The following GPC6 variants were observed in gnomAD, a reference collection of about 807,000 sequenced individuals.
GPC6 encodes the protein glypican 6.
Under a neutral mutation model 55.2 loss-of-function variants are expected in GPC6, and 14 were observed. The observed-to-expected ratio is 0.25, with a 90% CI of 0.17 to 0.40. The LOEUF is 0.40. Among genes scored for constraint, GPC6 ranks in the 10% least tolerant of loss-of-function variants. The pLI is 1.00. For missense variants in GPC6, 641 were observed against 708.5 expected (o/e 0.90, Z 1.08); for synonymous variants, 278 against 259.6 (o/e 1.07, Z -0.68).
intron 1 of GPC6, among the ~76,000 whole-genome samples, chr13:93,346,226 A>G (rs1363530793): frequency 6.6e-6 from 1 of 152,184 alleles, no homozygotes; most frequent in African/African-American, 2.4e-5. Flanking sequence ...GACATCTATG[A>G]TGTCCATTTA....
At chr13:93,483,752 A>T (rs1487707668) in intron 1 of GPC6, among the ~76,000 whole-genome samples, 1 of 152,164 alleles carries the variant, frequency 6.6e-6, no homozygotes, top group Non-Finnish European at 1.5e-5. Flanking sequence ...CTCATGGTAG[A>T]AACAGTGTTT....
At position 94,195,129 on chromosome 13, in the gene GPC6, G is replaced by C. The variant is rs561255029; in HGVS notation, c.878-91220G>C. The stretch of plus-strand genomic sequence containing the variant: ...TTTAAGTCTCTTTTGAACAGAGAGT[G>C]GTAAGTACTGGTGTCCCCATGTCCA... On this transcript the variant is annotated intron_variant, in intron 4 of 8. Coordinates refer to ENST00000377047, the MANE Select transcript of GPC6 (RefSeq NM_005708.5). Among the ~76,000 whole-genome samples the C allele has an allele frequency of 1.7e-4, 26 of 152,284 alleles. No homozygotes were observed. The South Asian group carries it at 4.8e-3, about 28-fold the overall frequency.
At chr13:93,892,558 G>T (rs769739649) in intron 3 of GPC6, among the ~76,000 whole-genome samples, 1 of 152,006 alleles carries the variant, frequency 6.6e-6, no homozygotes, top group Non-Finnish European at 1.5e-5. Context: ...TTATTAATTA[G>T]CAGTAAAACA....
intron 3 of GPC6, among the ~76,000 whole-genome samples, chr13:94,010,529 G>A (rs553777212): frequency 5.9e-5 from 9 of 152,222 alleles, no homozygotes; most frequent in African/African-American, 1.7e-4. Context: ...AGGACTCTAC[G>A]TATGTGGGTG....
intron 4 of GPC6, among the ~76,000 whole-genome samples, chr13:94,210,268 C>T (rs920183076): frequency 3.3e-4 from 50 of 151,668 alleles, no homozygotes; most frequent in African/African-American, 1.0e-3. Context: ...GCGATTCTCC[C>T]GCCTCAGCCT....
Position 93,643,142 on chromosome 13 carries a change from A to G in GPC6, c.319+97721A>G, listed in dbSNP as rs999461205. ...TTTGGCTTGTGTAAGTTATTGTGCA[A>G]TGAGTTCCTCATATTTAGTATTCAT... On this transcript the variant is annotated intron_variant, in intron 2 of 8. Coordinates refer to ENST00000377047, the MANE Select transcript of GPC6 (RefSeq NM_005708.5). 5.3e-5 allele frequency among the ~76,000 whole-genome samples: 8 copies of G among 152,134 alleles called. No individual in the cohort carries two copies. The East Asian group carries it at 7.7e-4, about 15-fold the overall frequency.
chr13:94,048,282 G>A (rs577715957), intron 4 of GPC6, among the ~76,000 whole-genome samples: 57 of 152,098 alleles, frequency 3.7e-4, no homozygotes, highest in South Asian at 1.9e-3. Flanking sequence ...TATTTTTGCC[G>A]TCTTGGGAAC....
intron 2 of GPC6, among the ~76,000 whole-genome samples, chr13:93,642,026 A>C (rs997103332): frequency 9.2e-5 from 14 of 152,012 alleles, no homozygotes; most frequent in Non-Finnish European, 1.8e-4. Flanking sequence ...TTTTGGAATC[A>C]AGGGCACCTG....
At chr13:94,025,359 T>G (rs766036064) in intron 3 of GPC6, 3 of 152,130 alleles carry the variant, frequency 2.0e-5, no homozygotes, top group Non-Finnish European at 2.9e-5. Context: ...TGTGTAAGAA[T>G]TTTAAATTTC....
intron 2 of GPC6, among the ~76,000 whole-genome samples, chr13:93,681,692 A>G (rs1289013927): frequency 1.3e-5 from 2 of 152,206 alleles, no homozygotes; most frequent in Non-Finnish European, 2.9e-5. Flanking sequence ...TAAAGGAAGC[A>G]ATCCATTTAA....
chr13:94,288,937 A>AGATC (rs1874776959), intron 5 of GPC6, among the ~76,000 whole-genome samples: 1 of 115,248 alleles, frequency 8.7e-6, no homozygotes, highest in South Asian at 2.7e-4. Context: ...AAATATAGAT[A>AGATC]GATAGATAGA....
intron 7 of GPC6, among the ~76,000 whole-genome samples, chr13:94,388,748 CAG>C (rs916165363): frequency 1.3e-5 from 2 of 152,176 alleles, no homozygotes; most frequent in Non-Finnish European, 2.9e-5. Flanking sequence ...CTTAGAGAGA[CAG>C]AGAGTCCTGG....
intron 4 of GPC6, among the ~76,000 whole-genome samples, chr13:94,158,138 G>T (rs1490383696): frequency 1.3e-5 from 2 of 152,154 alleles, no homozygotes; most frequent in Admixed American, 1.3e-4. Context: ...TTAAGAGTTT[G>T]CCTCATAGTG....
chr13:94,191,634 G>T (rs1369976743), intron 4 of GPC6, among the ~76,000 whole-genome samples: 3 of 151,502 alleles, frequency 2.0e-5, no homozygotes, highest in Non-Finnish European at 4.4e-5. Flanking sequence ...AATAGTAGAG[G>T]CAAGTTTGAA....
At chr13:93,369,200 T>C (rs1260105425) in intron 1 of GPC6, among the ~76,000 whole-genome samples, 1 of 152,050 alleles carries the variant, frequency 6.6e-6, no homozygotes, top group African/African-American at 2.4e-5. Context: ...TCACATTAAA[T>C]ATAAATGGTC....
At chr13:93,674,533 T>C (rs1881503426) in intron 2 of GPC6, among the ~76,000 whole-genome samples, 2 of 152,334 alleles carry the variant, frequency 1.3e-5, no homozygotes, top group South Asian at 4.1e-4. Context: ...GGACACTAAA[T>C]TGAAACCATC....
At chr13:93,543,125 GT>G (rs57939562) in intron 1 of GPC6, among the ~76,000 whole-genome samples, 43,953 of 151,854 alleles carry the variant, frequency 0.29, 6,578 homozygotes, top group African/African-American at 0.35. Context: ...AATGCTTCCA[GT>G]TTTAGCCCAT....
At chr13:93,552,179 G>A (rs1291441815) in intron 2 of GPC6, among the ~76,000 whole-genome samples, 3 of 152,174 alleles carry the variant, frequency 2.0e-5, no homozygotes, top group Non-Finnish European at 4.4e-5. Flanking sequence ...GCTGAACTGA[G>A]TTTTAGAAAT....
chr13:94,061,422 C>T (rs563642455), intron 4 of GPC6, among the ~76,000 whole-genome samples: 8 of 152,142 alleles, frequency 5.3e-5, no homozygotes, highest in Non-Finnish European at 1.2e-4. Flanking sequence ...CTCTGCCTTT[C>T]AGCAGATGAA....
Sources: allele counts gnomAD v4.1 joint callset (sites outside exome capture counted in the v4.1 genomes callset), GRCh38; gene constraint gnomAD v4.1.1; transcripts MANE v1.5; gene names NCBI Gene and HGNC (gene_info 2026-07-23, HGNC 2026-07-21).